Variants in ATF2 observed in about 807,000 individuals in gnomAD.
ATF2 encodes the protein cyclic AMP-dependent transcription factor ATF-2.
A neutral mutation model predicts 60.6 loss-of-function variants in ATF2; 24 were observed. The observed-to-expected ratio is 0.40, with a 90% CI of 0.29 to 0.56. The LOEUF (loss-of-function observed/expected upper bound fraction) is 0.56. ATF2 is among the 20% of genes least tolerant of loss of function. ATF2 has a pLI of 0.54. For synonymous variants in ATF2, 206 were observed against 215.4 expected (o/e 0.96, Z 0.38); for missense variants, 433 against 607.7 (o/e 0.71, Z 3.02).
chr2:175,118,978 T>G (rs1696768066), intron 5 of ATF2, among the ~76,000 whole-genome samples: 1 of 151,674 alleles, frequency 6.6e-6, no homozygotes, highest in Non-Finnish European at 1.5e-5. Flanking sequence ...GTACAAGGAA[T>G]ATGTGTGAGT....
intron 4 of ATF2, among the ~76,000 whole-genome samples, chr2:175,125,183 T>G (rs1266987803): frequency 6.6e-6 from 1 of 151,936 alleles, no homozygotes; most frequent in Non-Finnish European, 1.5e-5. Flanking sequence ...AACAAGAAAC[T>G]TAAAAAGACT....
At chr2:175,083,294 C>G (rs1693895585) in intron 12 of ATF2, among the ~76,000 whole-genome samples, 1 of 152,036 alleles carries the variant, frequency 6.6e-6, no homozygotes, top group Non-Finnish European at 1.5e-5. Flanking sequence ...GGTACCAAAA[C>G]AGAGATATAG....
chr2:175,129,942 A>G (rs1697611812), intron 4 of ATF2, among the ~76,000 whole-genome samples, 196 bp downstream of exon 4: 1 of 151,978 alleles, frequency 6.6e-6, no homozygotes, highest in Non-Finnish European at 1.5e-5. Flanking sequence ...GTATTGGATT[A>G]TACTTTCTAA....
intron 3 of ATF2, among the ~76,000 whole-genome samples, chr2:175,131,792 C>T (rs2105751971): frequency 6.6e-6 from 1 of 152,274 alleles, no homozygotes; most frequent in African/African-American, 2.4e-5. Flanking sequence ...GGATCCTCTA[C>T]ACTCTTAAAA....
rs1305438168 is a variant in ATF2 at position 175,080,697 on chromosome 2, G to A, written c.1254C>T (p.Cys418=). 1.9e-6 allele frequency: 3 copies of A among 1,612,888 alleles called. No homozygotes were observed. Among genetic ancestry groups the A allele is most frequent in the African/African-American group, 2.7e-5 (2 of 74,864 alleles). The change falls in exon 13 of 14, where the codon TGC becomes TGT. Residue 418 remains cysteine (C), a synonymous_variant. Transcript: ENST00000264110. ...ATTTCTTCTGCATGGCGGTTACAGGGCAATCTTTATGAGCCAGAAGAAGCT... is the reference window on the plus strand; with the variant it reads ...ATTTCTTCTGCATGGCGGTTACAGGACAATCTTTATGAGCCAGAAGAAGCT... ...LKQLLLAHKD[C]PVTAMQKKSG...
At chr2:175,108,184 C>T (rs1695847636) in intron 10 of ATF2, among the ~76,000 whole-genome samples, 1 of 150,922 alleles carries the variant, frequency 6.6e-6, no homozygotes, top group Non-Finnish European at 1.5e-5. Context: ...CGGCCGCGAC[C>T]CCGTCTGGGA....
intron 10 of ATF2, among the ~76,000 whole-genome samples, chr2:175,103,193 T>C (rs1695420080): frequency 6.6e-6 from 1 of 152,346 alleles, no homozygotes; most frequent in Middle Eastern, 3.4e-3. Context: ...AAACAATTTA[T>C]GAAAAAGTCA....
chr2:175,082,039 C>A (rs146721608), intron 12 of ATF2, among the ~76,000 whole-genome samples: 161 of 152,252 alleles, frequency 1.1e-3, no homozygotes, highest in African/African-American at 3.5e-3. Context: ...GCCTTGGTGA[C>A]AGAGTGAGAC....
At chr2:175,112,703 C>A (rs1260634771) in intron 9 of ATF2, among the ~76,000 whole-genome samples, 2 of 152,148 alleles carry the variant, frequency 1.3e-5, no homozygotes, top group African/African-American at 4.8e-5. Context: ...CCCACCTCAG[C>A]CTTCTGAGTA....
chr2:175,142,728 T>A (rs1157578372), intron 2 of ATF2, among the ~76,000 whole-genome samples: 2 of 145,660 alleles, frequency 1.4e-5, no homozygotes, highest in East Asian at 3.9e-4. Context: ...AGAGTGTGTG[T>A]GTGTGTGTGT....
chr2:175,129,268 A>G (rs1195015836), intron 4 of ATF2, among the ~76,000 whole-genome samples: 1 of 152,154 alleles, frequency 6.6e-6, no homozygotes, highest in Non-Finnish European at 1.5e-5. Context: ...AAACAAATCT[A>G]CAGTAACAGA....
At position 175,162,913 on chromosome 2, in the gene ATF2, C is replaced by T. The variant is rs573956969; in HGVS notation, c.-143+5137G>A. On this transcript the variant is annotated intron_variant, in intron 1 of 13. Coordinates refer to ENST00000264110, the MANE Select transcript of ATF2 (RefSeq NM_001880.4). ...CTTTGGGAGGCCGAGGTGGGCGGAT[C>T]ACAAGGTCAGAAGATCGAGACCATC... 8.6e-5 allele frequency among the ~76,000 whole-genome samples: 13 copies of T among 152,042 alleles called. No individual in the cohort carries two copies. The East Asian group carries it at 2.5e-3, about 29-fold the overall frequency.
chr2:175,167,006 A>T (rs1700391653), intron 1 of ATF2, among the ~76,000 whole-genome samples: 1 of 152,226 alleles, frequency 6.6e-6, no homozygotes, highest in Admixed American at 6.5e-5. Flanking sequence ...TTGAATTTTA[A>T]GAGAAACATT....
At chr2:175,149,534 A>T (rs995768548) in intron 2 of ATF2, among the ~76,000 whole-genome samples, 5 of 152,132 alleles carry the variant, frequency 3.3e-5, no homozygotes, top group African/African-American at 1.2e-4. Flanking sequence ...AAATGACAAA[A>T]ATAAGAGGTA....
intron 4 of ATF2, among the ~76,000 whole-genome samples, chr2:175,126,439 T>C (rs1482168045): frequency 6.6e-6 from 1 of 152,114 alleles, no homozygotes; most frequent in African/African-American, 2.4e-5. Flanking sequence ...ATAAGAGTAA[T>C]TATCAGACAT....
At chr2:175,163,813 C>T (rs950663714) in intron 1 of ATF2, among the ~76,000 whole-genome samples, 1 of 147,596 alleles carries the variant, frequency 6.8e-6, no homozygotes, top group African/African-American at 2.5e-5. Context: ...ATCCCAGCTA[C>T]TCAGGAGGCT....
rs549836644 is a variant in ATF2, at chr2:175,160,589, C to T, written c.-143+7461G>A. ...GATAAAATATTTCACTGATTCTCAA[C>T]TTTGTGGCCAAAAATTGATAGTGTA... On this transcript the variant is annotated intron_variant, in intron 1 of 13. Transcript: ENST00000264110. Among the ~76,000 whole-genome samples, 12 of 152,286 alleles carry T rather than the reference C, an allele frequency of 7.9e-5. No homozygotes were observed. In the South Asian group the frequency reaches 1.0e-3, roughly 13 times the overall value.
intron 4 of ATF2, among the ~76,000 whole-genome samples, chr2:175,127,799 G>A (rs981971416): frequency 6.6e-6 from 1 of 152,002 alleles, no homozygotes; most frequent in Non-Finnish European, 1.5e-5. Flanking sequence ...ACATTCCCTG[G>A]TTAACCTATC....
At chr2:175,162,909 G>A (rs1015773574) in intron 1 of ATF2, among the ~76,000 whole-genome samples, 10 of 151,884 alleles carry the variant, frequency 6.6e-5, no homozygotes, top group East Asian at 1.9e-4. Flanking sequence ...CGAGGTGGGC[G>A]GATCACAAGG....
Sources: gnomAD v4.1 joint callset for allele counts (sites outside exome capture counted in the v4.1 genomes callset) on GRCh38, gnomAD v4.1.1 for gene constraint, MANE v1.5 for transcripts, NCBI Gene and HGNC (gene_info 2026-07-23, HGNC 2026-07-21) for gene names.